TET3: variants seen among roughly 807,000 people sequenced by gnomAD.
The protein encoded by TET3 is tet methylcytosine dioxygenase 3, also known as methylcytosine dioxygenase TET3.
TET3 carries 19 observed loss-of-function variants against 141.4 expected under a neutral mutation model. That is an observed-to-expected ratio of 0.13 (90% CI 0.09 to 0.20). The LOEUF is 0.20. Ranked by LOEUF, TET3 falls within the 10% of genes least tolerant of loss-of-function variation. The pLI, the probability that TET3 is intolerant of heterozygous loss-of-function variation, is 1.00. For synonymous variants in TET3, 1,043 were observed against 980.9 expected (o/e 1.06, Z -1.18); for missense variants, 1,874 against 2,356.9 (o/e 0.80, Z 4.24).
At chr2:73,994,152 C>T (rs905199694) in intron 2 of TET3, among the ~76,000 whole-genome samples, 7 of 152,042 alleles carry the variant, frequency 4.6e-5, no homozygotes, top group Admixed American at 2.0e-4. Context: ...AAGAAATGTA[C>T]GAACTCTGGC....
At chr2:74,129,488 C>T in the TET3 span, among the ~76,000 whole-genome samples, 5 of 147,750 alleles carry the variant, frequency 3.4e-5, no homozygotes, top group Non-Finnish European at 1.5e-5. Context: ...CAAAAATTAG[C>T]CAGGAGTGGT....
rs1193549324 is a variant in TET3 at position 74,101,286 on chromosome 2, G to A, written c.4498G>A (p.Ala1500Thr). Residue 1500 changes from alanine to threonine, a missense_variant, in exon 12 of 12, where the codon GCA becomes ACA. By Grantham distance (58) the Ala-to-Thr change is moderately conservative. Around this residue, in one of 10 missense-constraint regions of TET3, gnomAD observed 602 missense variants for 590.2 expected, o/e 1.02. Transcript: ENST00000409262. This position sits in a 1 kb window ranked among gnomAD's most constrained non-coding sequence, Gnocchi z 8.5. Reference protein sequence around the residue: ...WGLFPGEGQQAASHSGGRLRG... With the variant: ...WGLFPGEGQQTASHSGGRLRG... The stretch of plus-strand genomic sequence containing the variant: ...GCTGTTCCCCGGTGAGGGGCAGCAG[G>A]CAGCTTCCCACTCTGGAGGACGGCT... The A allele has an allele frequency of 6.2e-7, 1 of 1,613,032 alleles. No homozygotes were observed.
At chr2:74,054,539 T>C (rs1005132810) in intron 4 of TET3, among the ~76,000 whole-genome samples, 2 of 152,184 alleles carry the variant, frequency 1.3e-5, no homozygotes, top group African/African-American at 4.8e-5. Context: ...TGTGAACTGG[T>C]AGTTCTTTGG....
downstream of TET3, among the ~76,000 whole-genome samples, chr2:74,112,225 T>TA (rs1355678892): frequency 6.6e-6 from 1 of 151,894 alleles, no homozygotes; most frequent in Non-Finnish European, 1.5e-5. Context: ...GCATCTTTAG[T>TA]AACACTGCAG....
chr2:74,112,423 A>G (rs1020876368), downstream of TET3, among the ~76,000 whole-genome samples: 3 of 152,180 alleles, frequency 2.0e-5, no homozygotes, highest in African/African-American at 7.2e-5. Context: ...ACATTTACAT[A>G]AACTATAAAA....
chr2:74,051,263 C>G (rs1011531679), intron 4 of TET3, among the ~76,000 whole-genome samples: 1 of 152,226 alleles, frequency 6.6e-6, no homozygotes, highest in African/African-American at 2.4e-5. Context: ...AGCAAAAATG[C>G]AGGCATCTGT....
At chr2:74,028,153 ATT>A (rs773997170) in intron 3 of TET3, among the ~76,000 whole-genome samples, 2,735 of 151,638 alleles carry the variant, frequency 0.018, 79 homozygotes, top group African/African-American at 0.061. Flanking sequence ...TGCCTGCCTA[ATT>A]TTAAAAAAAA....
chr2:74,043,834 C>G (rs910060862), intron 3 of TET3, among the ~76,000 whole-genome samples: 2 of 152,088 alleles, frequency 1.3e-5, no homozygotes, highest in Non-Finnish European at 2.9e-5. Context: ...GTCTGACAGT[C>G]TTAGCACTGG....
At chr2:74,059,063 A>G (rs899026027) in intron 4 of TET3, among the ~76,000 whole-genome samples, 7 of 152,188 alleles carry the variant, frequency 4.6e-5, no homozygotes, top group Admixed American at 1.3e-4. Flanking sequence ...TAACAGAGTA[A>G]GTTTGCTGAC....
At chr2:74,124,184 G>A in the TET3 span, among the ~76,000 whole-genome samples, 7 of 148,592 alleles carry the variant, frequency 4.7e-5, no homozygotes, top group East Asian at 2.0e-4. Flanking sequence ...GGCAGCCCCC[G>A]CCCGGCCAGC....
In TET3 at chr2:74,107,410, T is replaced by C. The variant is rs1691558487; in HGVS notation, c.*5234T>C. 6.6e-6 allele frequency: 1 copy of C among 152,230 alleles called. No individual in the cohort carries two copies. 9.4% of individuals were successfully genotyped at this position (152,230 alleles called of 1,614,324 possible). A position where few individuals can be genotyped will look rare whatever the true frequency, so the allele number is the denominator to read the frequency against. ...TTGTAGTGGTATTGTTTGCTCCCTC[T>C]TCGCGTTTTGACTACCCGTCATTCA... On this transcript the variant is annotated 3_prime_UTR_variant, in exon 12 of 12. Transcript: ENST00000409262.
chr2:74,030,109 G>A (rs1042186854), intron 3 of TET3, among the ~76,000 whole-genome samples: 7 of 152,072 alleles, frequency 4.6e-5, no homozygotes, highest in South Asian at 2.1e-4. Context: ...GAAGTGATGC[G>A]GAATGTATAT....
intron 3 of TET3, among the ~76,000 whole-genome samples, chr2:74,045,189 T>G (rs994658464): frequency 1.3e-5 from 2 of 152,216 alleles, no homozygotes; most frequent in African/African-American, 2.4e-5. Context: ...GCACATGGTG[T>G]TGTTTTGTCT....
intron 2 of TET3, among the ~76,000 whole-genome samples, chr2:73,988,976 T>TG (rs1344244663): frequency 1.4e-4 from 19 of 135,296 alleles, no homozygotes; most frequent in Admixed American, 1.0e-3. Context: ...TGCCTCTCTC[T>TG]GAAAAAAAAA....
intron 7 of TET3, 100 bp from the exon 8 acceptor site, chr2:74,089,797 G>T: frequency 6.8e-7 from 1 of 1,467,044 alleles, no homozygotes; most frequent in Non-Finnish European, 9.3e-7. Flanking sequence ...GGAGGCTGGT[G>T]GGTGCCAGGG....
At chr2:74,116,464 C>G in the TET3 span, among the ~76,000 whole-genome samples, 1 of 151,456 alleles carries the variant, frequency 6.6e-6, no homozygotes, top group Non-Finnish European at 1.5e-5. Flanking sequence ...AGGCAGATTA[C>G]CTGAGGTCAG....
intron 2 of TET3, among the ~76,000 whole-genome samples, chr2:73,999,760 G>T (rs1684756275): frequency 6.6e-6 from 1 of 152,148 alleles, no homozygotes; most frequent in Admixed American, 6.5e-5. Flanking sequence ...AGAAAAGGGG[G>T]CAGATAGAGA....
At chr2:74,061,793 G>A (rs1399137406) in intron 4 of TET3, among the ~76,000 whole-genome samples, 2 of 141,406 alleles carry the variant, frequency 1.4e-5, no homozygotes, top group Admixed American at 6.8e-5. Context: ...TCGCGGCCGG[G>A]TAGAGGCGCT....
intron 1 of TET3, 76 bp downstream of exon 1, chr2:73,985,233 G>A (rs1683945217): frequency 6.9e-6 from 1 of 144,426 alleles, no homozygotes; most frequent in Admixed American, 6.8e-5. Context: ...CGGCCCGGGG[G>A]AGGGGGAGGG....
Sources: allele counts gnomAD v4.1 joint callset (sites outside exome capture counted in the v4.1 genomes callset), GRCh38; gene constraint gnomAD v4.1.1; regional missense constraint gnomAD v4.1.1; non-coding constraint Gnocchi (gnomAD v3.1); transcripts MANE v1.5; gene names NCBI Gene and HGNC (gene_info 2026-07-23, HGNC 2026-07-21).